Variants in PPP1R10 observed in about 807,000 individuals in gnomAD.
PPP1R10 encodes protein phosphatase 1 regulatory subunit 10.
PPP1R10 carries 15 observed loss-of-function variants against 99.0 expected under a neutral mutation model. The observed-to-expected ratio is 0.15, with a 90% CI of 0.10 to 0.23. The LOEUF is 0.23. PPP1R10 is among the 10% of genes least tolerant of loss of function. PPP1R10 has a pLI of 1.00. For missense variants in PPP1R10, 947 were observed against 1,259.4 expected (o/e 0.75, Z 3.75); for synonymous variants, 430 against 449.5 (o/e 0.96, Z 0.55).
In PPP1R10 at chr6:30,610,895, A is replaced by G. The variant is rs183938316; in HGVS notation, c.-11-940T>C. On this transcript the variant is annotated intron_variant, in intron 2 of 19. Transcript: ENST00000376511. ...CAGGTTGGGAAGGGAATTAGTTAAAAGCTAAGCTCCTTTTATGGAAGGGAC... is the reference window on the plus strand; with the variant it reads ...CAGGTTGGGAAGGGAATTAGTTAAAGGCTAAGCTCCTTTTATGGAAGGGAC... 1.7e-4 allele frequency among the ~76,000 whole-genome samples: 26 copies of G among 152,312 alleles called. No individual in the cohort carries two copies. The East Asian group carries it at 4.8e-3, about 28-fold the overall frequency.
rs1435393013 is a variant in PPP1R10 at position 30,606,130 on chromosome 6, G to A, written c.740+8C>T. ...ACCCCATTCAGAGCCTGAGAATATG[G>A]TCCATACCTCTGACGTTTGAGGGGG... On this transcript the variant is annotated splice_region_variant and intron_variant, in intron 9 of 19. Transcript: ENST00000376511. This position sits in a 1 kb window ranked among gnomAD's most constrained non-coding sequence, Gnocchi z 6.3. 6.2e-7 allele frequency: 1 copy of A among 1,613,792 alleles called. No homozygotes were observed. The highest frequency in any genetic ancestry group is 8.5e-7 in the Non-Finnish European group (1 of 1,179,730).
chr6:30,604,568 T>G lies in PPP1R10; in HGVS notation c.1102+20A>C. The G allele has an allele frequency of 4.3e-6, 7 of 1,612,838 alleles. No homozygotes were observed. Among genetic ancestry groups the G allele is most frequent in the Non-Finnish European group, 5.9e-6 (7 of 1,179,928 alleles). ...CCTCCTTTCAGAAAACCCCCCAAAC[T>G]GAACCAGTTTCTAGATTACCTGTAT... On this transcript the variant is annotated intron_variant, in intron 12 of 19. Coordinates refer to ENST00000376511, the MANE Select transcript of PPP1R10 (RefSeq NM_002714.4). The surrounding 1 kb of genome is among the most constrained non-coding windows in gnomAD (Gnocchi z 7.3).
rs35689098 is a variant in PPP1R10 at position 30,602,597 on chromosome 6, G to T, written c.2052C>A (p.Gly684=). ...RGGDPFWDGP[G]DPMRGGPMRG... ...GCATTGGGCCACCCCGCATAGGGTCGCCCGGGCCATCCCAGAAGGGATCAC... is the reference window on the plus strand; with the variant it reads ...GCATTGGGCCACCCCGCATAGGGTCTCCCGGGCCATCCCAGAAGGGATCAC... Residue 684 remains glycine (G), a synonymous_variant, in exon 19 of 20, where the codon GGC becomes GGA. Coordinates refer to ENST00000376511, the MANE Select transcript of PPP1R10 (RefSeq NM_002714.4). The surrounding 1 kb of genome is among the most constrained non-coding windows in gnomAD (Gnocchi z 6.7). 1 of 1,574,690 alleles carries T rather than the reference G, an allele frequency of 6.4e-7. No homozygotes were observed. Among genetic ancestry groups the T allele is most frequent in the South Asian group, 1.2e-5 (1 of 86,230 alleles).
At chr6:30,601,807 A>G in intron 19 of PPP1R10, 129 bp downstream of exon 19, 1 of 1,305,438 alleles carries the variant, frequency 7.7e-7, no homozygotes, top group Non-Finnish European at 1.0e-6. Flanking sequence ...ACTGCTATGC[A>G]TACTAGGACA....
At chr6:30,612,412 CA>C in intron 2 of PPP1R10, among the ~76,000 whole-genome samples, 1 of 152,230 alleles carries the variant, frequency 6.6e-6, no homozygotes, top group Non-Finnish European at 1.5e-5. Context: ...AAAAATGGAC[CA>C]ATGAGTACAA....
At chr6:30,614,476 C>T (rs1430131094) in intron 2 of PPP1R10, 1 of 152,132 alleles carries the variant, frequency 6.6e-6, no homozygotes, top group Non-Finnish European at 1.5e-5. Flanking sequence ...TGATACAGCA[C>T]TGAATACAGT....
In PPP1R10 at chr6:30,604,369, C is replaced by A; in HGVS notation, c.1245G>T (p.Leu415Phe). The change falls in exon 13 of 20, where the codon TTG becomes TTT. Residue 415 changes from leucine (L) to phenylalanine (F), a missense_variant. Physicochemically the swap from Leu to Phe is conservative, Grantham distance 22. Coordinates refer to ENST00000376511, the MANE Select transcript of PPP1R10 (RefSeq NM_002714.4). The surrounding 1 kb of genome is among the most constrained non-coding windows in gnomAD (Gnocchi z 7.3). ...GKLREYFYFE[L>F]DETERVNVNK... ...ACCTCTTACCTCGTTCAGTTTCATC[C>A]AATTCAAAATAGAAATATTCTCTCA... The A allele has an allele frequency of 6.2e-7, 1 of 1,614,128 alleles. No homozygotes were observed. Among genetic ancestry groups the A allele is most frequent in the Non-Finnish European group, 8.5e-7 (1 of 1,180,020 alleles).
chr6:30,607,997 T>A lies in PPP1R10; in HGVS notation c.331-106A>T, dbSNP rs553229249. Reference sequence around the variant, plus strand: ...AGTCCTCCCTGCTTTTTTTTTTTTTTTTATTTTTTGAGACGGAGTCTCACT... The same window carrying A: ...AGTCCTCCCTGCTTTTTTTTTTTTTATTATTTTTTGAGACGGAGTCTCACT... On this transcript the variant is annotated intron_variant, in intron 5 of 19. Coordinates refer to ENST00000376511, the MANE Select transcript of PPP1R10 (RefSeq NM_002714.4). The A allele has an allele frequency of 1.4e-4, 164 of 1,196,698 alleles. No individual in the cohort carries two copies. In the African/African-American group the frequency reaches 1.7e-3, roughly 13 times the overall value. The allele number at this position is 1,196,698 out of a possible 1,614,324, so 74.1% of individuals were successfully genotyped here.
In PPP1R10 at chr6:30,609,876, C is replaced by T; in HGVS notation, c.69G>A (p.Gly23=). The change falls in exon 3 of 20, where the codon GGG becomes GGA. Residue 23 remains glycine (G), a synonymous_variant. Coordinates refer to ENST00000376511, the MANE Select transcript of PPP1R10 (RefSeq NM_002714.4). The surrounding 1 kb of genome is among the most constrained non-coding windows in gnomAD (Gnocchi z 4.5). ...KGLDSFLNRD[G]EVKSVDGISK... Reference sequence around the variant, plus strand: ...AAATCCCATCCACACTTTTGACTTCCCCATCTCGGTTAAGGAAGCTGTCCA... The same window carrying T: ...AAATCCCATCCACACTTTTGACTTCTCCATCTCGGTTAAGGAAGCTGTCCA... The T allele has an allele frequency of 3.1e-6, 5 of 1,614,064 alleles. No individual in the cohort carries two copies. Among genetic ancestry groups the T allele is most frequent in the Non-Finnish European group, 4.2e-6 (5 of 1,180,000 alleles).
chr6:30,613,217 G>GA (rs967110872), intron 2 of PPP1R10, among the ~76,000 whole-genome samples: 1 of 152,250 alleles, frequency 6.6e-6, no homozygotes, highest in Admixed American at 6.5e-5. Context: ...TAAATAGGGT[G>GA]AAAAAATATC....
At chr6:30,607,813 C>G (rs1349510677) in intron 6 of PPP1R10, 27 bp downstream of exon 6, 1 of 1,602,734 alleles carries the variant, frequency 6.2e-7, no homozygotes, top group East Asian at 2.2e-5. Flanking sequence ...GAGAAAAGCC[C>G]ATGAGAGAGC....
chr6:30,604,941 T>C lies in PPP1R10; in HGVS notation c.954+53A>G, dbSNP rs754666491. ...AACTCCTAGCTGCTGTGCCCTTTCTTCTACTTTACCTTTTATACTCTGTCA... is the reference window on the plus strand; with the variant it reads ...AACTCCTAGCTGCTGTGCCCTTTCTCCTACTTTACCTTTTATACTCTGTCA... On this transcript the variant is annotated intron_variant, in intron 11 of 19. Coordinates refer to ENST00000376511, the MANE Select transcript of PPP1R10 (RefSeq NM_002714.4). The surrounding 1 kb of genome is among the most constrained non-coding windows in gnomAD (Gnocchi z 7.3). The C allele has an allele frequency of 8.2e-6, 13 of 1,584,830 alleles. No individual in the cohort carries two copies. The African/African-American group carries it at 1.8e-4, about 21-fold the overall frequency.
Position 30,602,890 on chromosome 6 carries a change from T to C in PPP1R10, c.1913A>G (p.Lys638Arg), listed in dbSNP as rs777491309. Residue 638 changes from lysine (K) to arginine (R), a missense_variant, in exon 18 of 20, where the codon AAG becomes AGG. By Grantham distance (26) the Lys-to-Arg change is conservative. Around this residue, in one of 10 missense-constraint regions of PPP1R10, gnomAD observed 525 missense variants for 578.8 expected, o/e 0.91. Coordinates refer to ENST00000376511, the MANE Select transcript of PPP1R10 (RefSeq NM_002714.4). The surrounding 1 kb of genome is among the most constrained non-coding windows in gnomAD (Gnocchi z 6.7). The part of the protein sequence containing the change: ...GFPPGGPGGP[K>R]GMQHFPPGPG... ...TCCAGGGGGAAAGTGCTGCATGCCC[T>C]TGGGGCCCCCAGGACCCCCTGGTGG... 3.9e-6 allele frequency: 6 copies of C among 1,556,666 alleles called. No homozygotes were observed. The highest frequency in any genetic ancestry group is 1.4e-5 in the African/African-American group (1 of 73,264).
chr6:30,607,352 T>C (rs988125106), intron 6 of PPP1R10, among the ~76,000 whole-genome samples: 2 of 152,220 alleles, frequency 1.3e-5, no homozygotes, highest in African/African-American at 4.8e-5. Context: ...CCTTTATAGA[T>C]GTGAAAACAA....
intron 2 of PPP1R10, 135 bp from the exon 3 acceptor site, chr6:30,610,090 T>TA: frequency 6.2e-6 from 4 of 646,638 alleles, no homozygotes; most frequent in East Asian, 5.5e-5. Context: ...TGCTATTTTT[T>TA]AGATATGAAA....
chr6:30,609,125 G>A lies in PPP1R10; in HGVS notation c.146C>T (p.Thr49Ile). The A allele has an allele frequency of 6.2e-7, 1 of 1,613,660 alleles. No individual in the cohort carries two copies. Among genetic ancestry groups the A allele is most frequent in the Non-Finnish European group, 8.5e-7 (1 of 1,180,040 alleles). ...GGTCTGCAGGAGAATGTTCAAGTAAGTGCATCGACTCACCATCTTTCGTGC... is the reference window on the plus strand; with the variant it reads ...GGTCTGCAGGAGAATGTTCAAGTAAATGCATCGACTCACCATCTTTCGTGC... Reference protein sequence around the residue: ...KEARKMVSRCTYLNILLQTRS... With the variant: ...KEARKMVSRCIYLNILLQTRS... Residue 49 changes from threonine (T) to isoleucine (I), a missense_variant, in exon 4 of 20, where the codon ACT (threonine) becomes ATT (isoleucine). By Grantham distance (89) the Thr-to-Ile change is moderately conservative. Around this residue, in one of 10 missense-constraint regions of PPP1R10, gnomAD observed 82 missense variants for 117.3 expected, o/e 0.70. Coordinates refer to ENST00000376511, the MANE Select transcript of PPP1R10 (RefSeq NM_002714.4). This position sits in a 1 kb window ranked among gnomAD's most constrained non-coding sequence, Gnocchi z 4.5.
chr6:30,602,607 TC>T lies in PPP1R10; in HGVS notation c.2041del (p.Asp681MetfsTer236). Reference protein sequence around the residue: ...PPPRGGDPFWDGPGDPMRGGP... With the variant: ...PPPRGGDPFWXGPGDPMRGGP... ...ACCCCGCATAGGGTCGCCCGGGCCATCCCAGAAGGGATCACCTCCCCGGGGA... is the reference window on the plus strand; with the variant it reads ...ACCCCGCATAGGGTCGCCCGGGCCATCCAGAAGGGATCACCTCCCCGGGGA... On this transcript the variant is annotated frameshift_variant, in exon 19 of 20. Coordinates refer to ENST00000376511, the MANE Select transcript of PPP1R10 (RefSeq NM_002714.4). LOFTEE classifies it high-confidence loss of function. This position sits in a 1 kb window ranked among gnomAD's most constrained non-coding sequence, Gnocchi z 6.7. The T allele has an allele frequency of 6.3e-7, 1 of 1,583,810 alleles. No homozygotes were observed. Among genetic ancestry groups the T allele is most frequent in the Non-Finnish European group, 8.6e-7 (1 of 1,168,310 alleles).
At chr6:30,603,414 G>C in intron 16 of PPP1R10, 58 bp downstream of exon 16, 1 of 1,592,266 alleles carries the variant, frequency 6.3e-7, no homozygotes, top group Admixed American at 1.7e-5. Flanking sequence ...GAGACAGTGA[G>C]GAGAGCGAGC....
chr6:30,601,382 A>G lies in PPP1R10; in HGVS notation c.*167T>C. 5 of 612,806 alleles carry G rather than the reference A, an allele frequency of 8.2e-6. No individual in the cohort carries two copies. Among genetic ancestry groups the G allele is most frequent in the Non-Finnish European group, 2.9e-6 (1 of 342,754 alleles). 38.0% of individuals were successfully genotyped at this position (612,806 alleles called of 1,614,324 possible). A position where few individuals can be genotyped will look rare whatever the true frequency, so the allele number is the denominator to read the frequency against. ...GAGGAAAATATGTACATCAATGCGC[A>G]CCAGTGATCAGAAAACCCCCAGGAA... On this transcript the variant is annotated 3_prime_UTR_variant, in exon 20 of 20. Coordinates refer to ENST00000376511, the MANE Select transcript of PPP1R10 (RefSeq NM_002714.4).
Sources: gnomAD v4.1 joint callset for allele counts (sites outside exome capture counted in the v4.1 genomes callset) on GRCh38, gnomAD v4.1.1 for gene constraint, gnomAD v4.1.1 regional missense constraint, Gnocchi (gnomAD v3.1) non-coding constraint, MANE v1.5 for transcripts, NCBI Gene and HGNC (gene_info 2026-07-23, HGNC 2026-07-21) for gene names.